Variants in CRTC2 observed in about 807,000 individuals in gnomAD.
CRTC2 encodes CREB regulated transcription coactivator 2, also known as CREB-regulated transcription coactivator 2.
Under a neutral mutation model 70.9 loss-of-function variants are expected in CRTC2, and 25 were observed. That is an observed-to-expected ratio of 0.35 (90% CI 0.26 to 0.49). The LOEUF (loss-of-function observed/expected upper bound fraction) is 0.49, where lower values mean the gene tolerates loss of function less well. Ranked by LOEUF, CRTC2 falls within the 20% of genes least tolerant of loss-of-function variation. The pLI is 0.98. For missense variants in CRTC2, 737 were observed against 882.6 expected, an observed-to-expected ratio of 0.83 and a Z score of 2.09; for synonymous variants, 330 against 364.1, an observed-to-expected ratio of 0.91 and a Z score of 1.07.
chr1:153,958,549 G>C lies in CRTC2; in HGVS notation c.-52C>G, dbSNP rs749066381. The C allele has an allele frequency of 1.3e-6, 2 of 1,512,314 alleles. No homozygotes were observed. The highest frequency in any genetic ancestry group is 1.8e-6 in the Non-Finnish European group (2 of 1,127,528). 93.7% of individuals were successfully genotyped at this position (1,512,314 alleles called of 1,614,324 possible). The stretch of plus-strand genomic sequence containing the variant: ...CCTCCCAGTACCAGCCGCGGCCTCC[G>C]CCGCGGCCTCGGCCCGGCTCCTCCA... On this transcript the variant is annotated 5_prime_UTR_variant, in exon 1 of 14. Transcript: ENST00000368633.
intron 4 of CRTC2, 91 bp downstream of exon 4, chr1:153,954,164 C>CAGTA: frequency 1.1e-6 from 1 of 933,680 alleles, no homozygotes; most frequent in Non-Finnish European, 1.7e-6. Flanking sequence ...AACCTTAGCC[C>CAGTA]AGTAATCCCA....
chr1:153,954,213 T>A, intron 4 of CRTC2, 42 bp downstream of exon 4: 10 of 1,514,398 alleles, frequency 6.6e-6, no homozygotes, highest in Non-Finnish European at 9.1e-6. Context: ...CAGAAACACG[T>A]CAGAGAGTAG....
chr1:153,951,913 C>T, intron 10 of CRTC2, 105 bp downstream of exon 10: 4 of 1,429,084 alleles, frequency 2.8e-6, no homozygotes, highest in Non-Finnish European at 3.8e-6. Flanking sequence ...AGGTGACAGG[C>T]GGTGTGGGTG....
intron 1 of CRTC2, 132 bp downstream of exon 1, chr1:153,958,213 C>T: frequency 7.0e-7 from 1 of 1,438,506 alleles, no homozygotes; most frequent in Non-Finnish European, 9.1e-7. Flanking sequence ...ACCTGCGCCT[C>T]CCAAACGGCG....
intron 12 of CRTC2, 45 bp downstream of exon 12, chr1:153,949,070 C>T: frequency 2.5e-6 from 4 of 1,596,192 alleles, no homozygotes; most frequent in Non-Finnish European, 3.4e-6. Flanking sequence ...ATTGACCCAC[C>T]CTCACCCACT....
intron 13 of CRTC2, 29 bp downstream of exon 13, chr1:153,948,429 A>G (rs1187570643): frequency 6.2e-7 from 1 of 1,607,302 alleles, no homozygotes; most frequent in African/African-American, 1.3e-5. Flanking sequence ...TCCTCCTTCC[A>G]TTTCCCATCA....
intron 3 of CRTC2, 127 bp downstream of exon 3, chr1:153,954,746 G>A (rs761341435): frequency 2.8e-5 from 23 of 833,308 alleles, no homozygotes; most frequent in Non-Finnish European, 3.7e-5. Flanking sequence ...GCTTTTCAGG[G>A]AAGCTGGGTA....
intron 12 of CRTC2, 113 bp from the exon 13 acceptor site, chr1:153,948,757 G>A (rs1051707590): frequency 5.0e-5 from 62 of 1,238,890 alleles, no homozygotes; most frequent in South Asian, 1.7e-4. Context: ...AGGAACAGAG[G>A]CAATGACAGA....
At chr1:153,948,718 C>A in intron 12 of CRTC2, 74 bp from the exon 13 acceptor site, 2 of 1,520,934 alleles carry the variant, frequency 1.3e-6, no homozygotes, top group South Asian at 1.2e-5. Context: ...CTAACATATC[C>A]CCTTTGCCCA....
chr1:153,949,076 C>T (rs1680181846), intron 12 of CRTC2, 39 bp downstream of exon 12: 1 of 1,596,882 alleles, frequency 6.3e-7, no homozygotes, highest in South Asian at 1.1e-5. Context: ...CCACCCTCAC[C>T]CACTCCCCTG....
At chr1:153,948,665 CT>C in intron 12 of CRTC2, 21 bp from the exon 13 acceptor site, 1 of 1,567,158 alleles carries the variant, frequency 6.4e-7, no homozygotes, top group South Asian at 1.2e-5. Flanking sequence ...ACAGACAAAT[CT>C]TTAGGAAGTA....
chr1:153,948,066 G>A lies in CRTC2; in HGVS notation c.*43C>T, dbSNP rs762789743. ...AGGGGGAAGGGAGGAAAGGAATGGT[G>A]GTGGGGGATGGGGCCAAGAAGAGGG... On this transcript the variant is annotated 3_prime_UTR_variant, in exon 14 of 14. Coordinates refer to ENST00000368633, the MANE Select transcript of CRTC2 (RefSeq NM_181715.3). 4 of 1,577,886 alleles carry A rather than the reference G, an allele frequency of 2.5e-6. No homozygotes were observed.
At position 153,954,258 on chromosome 1, in the gene CRTC2, C is replaced by T. The variant is rs377380520; in HGVS notation, c.431G>A (p.Arg144Gln). 28 of 1,611,340 alleles carry T rather than the reference C, an allele frequency of 1.7e-5. No homozygotes were observed. The highest frequency in any genetic ancestry group is 2.7e-5 in the African/African-American group (2 of 74,864). The change falls in exon 4 of 14, where the codon CGA becomes CAA. Residue 144 changes from arginine (R) to glutamine (Q), a missense_variant. By Grantham distance (43) the Arg-to-Gln change is conservative. Around this residue, in one of 3 missense-constraint regions of CRTC2, gnomAD observed 699 missense variants for 823.7 expected, o/e 0.85. Transcript: ENST00000368633. ...YLSPPPESSWRRTMAWGNFPA... is the reference protein window; with the variant it reads ...YLSPPPESSWQRTMAWGNFPA... ...TCTGCCCGCCCTGGACACTTACCTT[C>T]GCCAGCTAGACTCTGGGGGAGGAGA...
In CRTC2 at chr1:153,955,123, T is replaced by G. The variant is rs1680555849; in HGVS notation, c.197A>C (p.His66Pro). 3 of 1,613,896 alleles carry G rather than the reference T, an allele frequency of 1.9e-6. No homozygotes were observed. In the African/African-American group the frequency reaches 4.0e-5, roughly 22 times the overall value. Residue 66 changes from histidine (H) to proline (P), a missense_variant, in exon 2 of 14, where the codon CAT becomes CCT. Transcript: ENST00000368633. ...KLRLAYTRSS[H>P]YGGSLPNVNQ... ...AACATTGGGCAGAGACCCACCATAA[T>G]GAGAGCTCCTTGTGTATGCCAGTCG...
chr1:153,955,548 CAGAG>C (rs1482166384), intron 1 of CRTC2, among the ~76,000 whole-genome samples: 2 of 113,226 alleles, frequency 1.8e-5, no homozygotes, highest in Admixed American at 1.3e-4. Flanking sequence ...GCCTGGGCAA[CAGAG>C]AGAGACTCTG....
rs752748778 is a variant in CRTC2 at position 153,958,539 on chromosome 1, C to A, written c.-42G>T. The A allele has an allele frequency of 6.5e-7, 1 of 1,538,306 alleles. No individual in the cohort carries two copies. The highest frequency in any genetic ancestry group is 1.2e-5 in the South Asian group (1 of 83,816). On this transcript the variant is annotated 5_prime_UTR_variant, in exon 1 of 14. Coordinates refer to ENST00000368633, the MANE Select transcript of CRTC2 (RefSeq NM_181715.3). ...TCCCTGCCACCCTCCCAGTACCAGC[C>A]GCGGCCTCCGCCGCGGCCTCGGCCC...
rs1226293949 is a variant in CRTC2 at position 153,954,268 on chromosome 1, A to G, written c.421T>C (p.Ser141Pro). 6.2e-7 allele frequency: 1 copy of G among 1,612,370 alleles called. No individual in the cohort carries two copies. Among genetic ancestry groups the G allele is most frequent in the Admixed American group, 1.7e-5 (1 of 59,814 alleles). The change falls in exon 4 of 14, where the codon TCT becomes CCT. Residue 141 changes from serine (S) to proline (P), a missense_variant. Transcript: ENST00000368633. Reference protein sequence around the residue: ...SPAYLSPPPESSWRRTMAWGN... With the variant: ...SPAYLSPPPEPSWRRTMAWGN... Reference sequence around the variant, plus strand: ...CTGGACACTTACCTTCGCCAGCTAGACTCTGGGGGAGGAGATAAGTAGGCA... The same window carrying G: ...CTGGACACTTACCTTCGCCAGCTAGGCTCTGGGGGAGGAGATAAGTAGGCA...
At position 153,952,561 on chromosome 1, in the gene CRTC2, C is replaced by G. The variant is rs370583662; in HGVS notation, c.702+10G>C. On this transcript the variant is annotated intron_variant, in intron 8 of 13. Coordinates refer to ENST00000368633, the MANE Select transcript of CRTC2 (RefSeq NM_181715.3). ...AGACTAGTGGGTGACACCCGGTGGCCTCCTCCTACCTTCTTAGCATCCCAT... is the reference window on the plus strand; with the variant it reads ...AGACTAGTGGGTGACACCCGGTGGCGTCCTCCTACCTTCTTAGCATCCCAT... 33 of 1,613,980 alleles carry G rather than the reference C, an allele frequency of 2.0e-5. No homozygotes were observed. The African/African-American group carries it at 4.3e-4, about 21-fold the overall frequency.
intron 11 of CRTC2, 141 bp downstream of exon 11, chr1:153,951,119 A>C: frequency 1.1e-6 from 1 of 943,204 alleles, no homozygotes; most frequent in South Asian, 1.7e-5. Context: ...AGATGGATAA[A>C]AGATGGGGCA....
Sources: allele counts gnomAD v4.1 joint callset (sites outside exome capture counted in the v4.1 genomes callset), GRCh38; gene constraint gnomAD v4.1.1; regional missense constraint gnomAD v4.1.1; transcripts MANE v1.5; gene names NCBI Gene and HGNC (gene_info 2026-07-23, HGNC 2026-07-21).